HPGDS: variants seen among roughly 807,000 people sequenced by gnomAD.
HPGDS encodes GST class-sigma.
A neutral mutation model predicts 23.1 loss-of-function variants in HPGDS; 26 were observed. That is an observed-to-expected ratio of 1.13 (90% confidence interval 0.83 to 1.56). The LOEUF is 1.56. Ranked by LOEUF, HPGDS falls within the 40% of genes most tolerant of loss-of-function variation. HPGDS has a pLI of 0.00. For missense variants in HPGDS, 268 were observed against 236.4 expected, an observed-to-expected ratio of 1.13 and a Z score of -0.88; for synonymous variants, 95 against 77.9, an observed-to-expected ratio of 1.22 and a Z score of -1.16.
chr4:94,322,624 T>A (rs2126041872), intron 2 of HPGDS, among the ~76,000 whole-genome samples: 1 of 152,306 alleles, frequency 6.6e-6, no homozygotes, highest in Admixed American at 6.5e-5. Context: ...TTTATCATTT[T>A]TCATTGCATC....
At chr4:94,309,124 T>A (rs1323009843) in intron 3 of HPGDS, among the ~76,000 whole-genome samples, 1 of 151,248 alleles carries the variant, frequency 6.6e-6, no homozygotes, top group African/African-American at 2.4e-5. Context: ...TTTATTTTTT[T>A]ATTTTTTTAA....
intron 4 of HPGDS, among the ~76,000 whole-genome samples, chr4:94,304,974 C>G (rs747901563): frequency 6.6e-6 from 1 of 151,984 alleles, no homozygotes; most frequent in Admixed American, 6.6e-5. Flanking sequence ...GAACAAAAAT[C>G]TTTAGACACT....
chr4:94,303,726 AATTTG>A (rs1756088647), intron 4 of HPGDS: 2 of 152,126 alleles, frequency 1.3e-5, no homozygotes, highest in Admixed American at 6.6e-5. Flanking sequence ...AGTAATGGCC[AATTTG>A]ATTGTTGGAC....
At chr4:94,328,065 G>A (rs189908571) in intron 2 of HPGDS, among the ~76,000 whole-genome samples, 35 of 152,316 alleles carry the variant, frequency 2.3e-4, no homozygotes, top group African/African-American at 7.0e-4. Context: ...AGGCCCAAGG[G>A]GGCTCTCCCA....
At chr4:94,311,854 G>A (rs1361954882) in intron 3 of HPGDS, among the ~76,000 whole-genome samples, 1 of 151,168 alleles carries the variant, frequency 6.6e-6, no homozygotes, top group Non-Finnish European at 1.5e-5. Context: ...ACTTCTTCCT[G>A]GTTTAGCCTT....
chr4:94,315,834 T>A (rs1347686666), intron 3 of HPGDS, among the ~76,000 whole-genome samples: 2 of 152,202 alleles, frequency 1.3e-5, no homozygotes, highest in Non-Finnish European at 2.9e-5. Flanking sequence ...CTCATTTTCA[T>A]CCCTACTTTG....
chr4:94,311,420 G>A (rs918618939), intron 3 of HPGDS, among the ~76,000 whole-genome samples: 1 of 151,304 alleles, frequency 6.6e-6, no homozygotes, highest in Non-Finnish European at 1.5e-5. Flanking sequence ...CATCGGTTGT[G>A]TTTATATGCT....
At chr4:94,342,446 A>G (rs1721191660) in intron 1 of HPGDS, among the ~76,000 whole-genome samples, 8 of 152,238 alleles carry the variant, frequency 5.3e-5, no homozygotes, top group Admixed American at 5.2e-4. Context: ...TACTCCATCA[A>G]TCCAAGTTAT....
intron 3 of HPGDS, among the ~76,000 whole-genome samples, chr4:94,314,793 C>A (rs565437238): frequency 6.6e-6 from 1 of 152,186 alleles, no homozygotes; most frequent in Admixed American, 6.5e-5. Flanking sequence ...CCACCCCTTT[C>A]GAGCTTCCTG....
chr4:94,313,123 T>C (rs546896649), intron 3 of HPGDS, among the ~76,000 whole-genome samples: 1,625 of 152,308 alleles, frequency 0.011, 30 homozygotes, highest in African/African-American at 0.037. Context: ...AATTGGAGCA[T>C]TTAGGCCATT....
chr4:94,311,471 C>A (rs1756270884), intron 3 of HPGDS, among the ~76,000 whole-genome samples: 1 of 151,446 alleles, frequency 6.6e-6, no homozygotes, highest in Middle Eastern at 3.4e-3. Context: ...ACCAGCCTTG[C>A]ATCCCAGGAA....
At chr4:94,330,094 G>A (rs908278658) in intron 2 of HPGDS, among the ~76,000 whole-genome samples, 25 of 152,146 alleles carry the variant, frequency 1.6e-4, no homozygotes, top group Admixed American at 1.6e-3. Context: ...CTTGTTTGGA[G>A]GATACCTACG....
At chr4:94,341,560 G>T (rs2126048300) in intron 1 of HPGDS, among the ~76,000 whole-genome samples, 1 of 152,294 alleles carries the variant, frequency 6.6e-6, no homozygotes, top group Middle Eastern at 3.4e-3. Flanking sequence ...CCATTCTACA[G>T]TTCAATACAA....
In HPGDS at chr4:94,308,389, T is replaced by A. The variant is rs1474288377; in HGVS notation, c.336+245A>T. Among the ~76,000 whole-genome samples the A allele has an allele frequency of 2.0e-5, 3 of 152,120 alleles. No homozygotes were observed. In the East Asian group the frequency reaches 5.8e-4, roughly 29 times the overall value. On this transcript the variant is annotated intron_variant, in intron 4 of 5. Coordinates refer to ENST00000295256, the MANE Select transcript of HPGDS (RefSeq NM_014485.3). ...CATATTTATTTATCCTATAGAAATA[T>A]GGAAATGTGTAAATCCTAAAGAAAC...
intron 5 of HPGDS, among the ~76,000 whole-genome samples, chr4:94,300,341 G>A (rs1756016276): frequency 6.6e-6 from 1 of 152,204 alleles, no homozygotes; most frequent in Non-Finnish European, 1.5e-5. Flanking sequence ...GATTAGTGAT[G>A]ACAGCCTGGT....
At chr4:94,318,179 C>T (rs2126040290) in intron 2 of HPGDS, among the ~76,000 whole-genome samples, 1 of 152,184 alleles carries the variant, frequency 6.6e-6, no homozygotes, top group East Asian at 1.9e-4. Flanking sequence ...AAATTAGTGA[C>T]AGAATTTGTT....
chr4:94,308,397 T>A (rs1756180504), intron 4 of HPGDS, among the ~76,000 whole-genome samples: 2 of 152,158 alleles, frequency 1.3e-5, no homozygotes. Flanking sequence ...TATGGAAATG[T>A]GTAAATCCTA....
At chr4:94,339,280 T>G (rs914951409) in intron 1 of HPGDS, among the ~76,000 whole-genome samples, 1 of 152,192 alleles carries the variant, frequency 6.6e-6, no homozygotes, top group South Asian at 2.1e-4. Flanking sequence ...GTTAAGAATC[T>G]CATGTAGAGA....
chr4:94,300,657 C>A (rs539313326), intron 5 of HPGDS, among the ~76,000 whole-genome samples: 57 of 152,134 alleles, frequency 3.7e-4, no homozygotes, highest in African/African-American at 1.3e-3. Context: ...AGGTAGGATG[C>A]AAGCCCTTCT....
Sources: allele counts gnomAD v4.1 joint callset (sites outside exome capture counted in the v4.1 genomes callset), GRCh38; gene constraint gnomAD v4.1.1; transcripts MANE v1.5; gene names NCBI Gene and HGNC (gene_info 2026-07-23, HGNC 2026-07-21).